The following TMEM132B variants were observed in gnomAD, a reference collection of about 807,000 sequenced individuals.
The protein encoded by TMEM132B is transmembrane protein 132B.
Under a neutral mutation model 90.8 loss-of-function variants are expected in TMEM132B, and 18 were observed. That is an observed-to-expected ratio of 0.20 (90% CI 0.14 to 0.29). TMEM132B has a LOEUF of 0.29. Among genes scored for constraint, TMEM132B ranks in the 10% least tolerant of loss-of-function variants. The pLI, the probability that TMEM132B is intolerant of heterozygous loss-of-function variation, is 1.00. For missense variants in TMEM132B, 1,096 were observed against 1,326.8 expected (o/e 0.83, Z 2.70); for synonymous variants, 504 against 523.3 (o/e 0.96, Z 0.50).
intron 5 of TMEM132B, among the ~76,000 whole-genome samples, chr12:125,628,498 A>G (rs1412749172): frequency 6.6e-6 from 1 of 151,862 alleles, no homozygotes; most frequent in Non-Finnish European, 1.5e-5. Context: ...GAATTATTCA[A>G]TTTTTTTCCA....
chr12:125,611,433 T>C (rs1292712918), intron 5 of TMEM132B, among the ~76,000 whole-genome samples: 2 of 152,126 alleles, frequency 1.3e-5, no homozygotes, highest in Non-Finnish European at 2.9e-5. Flanking sequence ...TATTTTATCC[T>C]TTCTTATGAT....
chr12:125,609,733 C>T (rs1170493603), intron 5 of TMEM132B, among the ~76,000 whole-genome samples: 4 of 136,058 alleles, frequency 2.9e-5, no homozygotes, highest in Admixed American at 8.6e-5. Flanking sequence ...AGGAGAAGGG[C>T]GTGAACCTGG....
At chr12:125,189,464 G>T (rs560239268) in intron 1 of TMEM132B, among the ~76,000 whole-genome samples, 2 of 152,254 alleles carry the variant, frequency 1.3e-5, no homozygotes, top group East Asian at 3.9e-4. Context: ...CAGGGCAGAG[G>T]CTCTCTTCCT....
At chr12:125,245,864 C>T (rs111702109) in intron 1 of TMEM132B, among the ~76,000 whole-genome samples, 26 of 152,222 alleles carry the variant, frequency 1.7e-4, no homozygotes, top group African/African-American at 6.0e-4. Context: ...CACTACCCCA[C>T]ACCCCAGCAG....
At chr12:125,462,175 A>G (rs1287526708) in intron 3 of TMEM132B, among the ~76,000 whole-genome samples, 1 of 152,212 alleles carries the variant, frequency 6.6e-6, no homozygotes, top group Non-Finnish European at 1.5e-5. Context: ...TAAAGGGAAT[A>G]GATCGCAGGT....
At chr12:125,267,595 T>C (rs575569024) in intron 1 of TMEM132B, among the ~76,000 whole-genome samples, 1 of 152,292 alleles carries the variant, frequency 6.6e-6, no homozygotes, top group Admixed American at 6.5e-5. Context: ...TTCTCTACTA[T>C]ACAGAAACAC....
At chr12:125,619,087 G>C (rs1036957302) in intron 5 of TMEM132B, among the ~76,000 whole-genome samples, 1 of 152,114 alleles carries the variant, frequency 6.6e-6, no homozygotes, top group Non-Finnish European at 1.5e-5. Context: ...CTCTGCAAAG[G>C]TATCAAATGG....
At chr12:125,605,999 A>G (rs1202173939) in intron 5 of TMEM132B, among the ~76,000 whole-genome samples, 3 of 152,230 alleles carry the variant, frequency 2.0e-5, no homozygotes, top group African/African-American at 7.2e-5. Flanking sequence ...GAAATGGATA[A>G]CGTGTGACAG....
Position 125,599,818 on chromosome 12 carries a change from G to A in TMEM132B, c.1437+15824G>A, listed in dbSNP as rs7313191. Reference sequence around the variant, plus strand: ...GCTGTGGAAGGGAAGTAAGCTTAGCGCCAGGAATGACTATACTCTATTTGG... The same window carrying A: ...GCTGTGGAAGGGAAGTAAGCTTAGCACCAGGAATGACTATACTCTATTTGG... On this transcript the variant is annotated intron_variant, in intron 5 of 8. Transcript: ENST00000682704. 7.6e-3 allele frequency among the ~76,000 whole-genome samples: 1,163 copies of A among 152,192 alleles called. 13 individuals carry two copies. Among genetic ancestry groups the A allele is most frequent in the African/African-American group, 0.026 (1,065 of 41,518 alleles).
At chr12:125,249,879 A>G (rs1874281054) in intron 1 of TMEM132B, among the ~76,000 whole-genome samples, 2 of 152,254 alleles carry the variant, frequency 1.3e-5, no homozygotes, top group South Asian at 4.1e-4. Context: ...CACACAGCTC[A>G]TAAGAAACTC....
In TMEM132B at chr12:125,201,681, A is replaced by G. The variant is rs141355092; in HGVS notation, c.67+14815A>G. On this transcript the variant is annotated intron_variant, in intron 1 of 8. Coordinates refer to ENST00000682704, the MANE Select transcript of TMEM132B (RefSeq NM_001366854.1). ...GTGAATTACTTAATGTCTCTGTGCC[A>G]TAGCATTTTCATCTGTGAATGGGGA... Among the ~76,000 whole-genome samples, 5 of 152,350 alleles carry G rather than the reference A, an allele frequency of 3.3e-5. No individual in the cohort carries two copies. The East Asian group carries it at 9.6e-4, about 29-fold the overall frequency.
At chr12:125,333,607 C>T (rs574015996) in intron 1 of TMEM132B, among the ~76,000 whole-genome samples, 6 of 152,114 alleles carry the variant, frequency 3.9e-5, no homozygotes, top group South Asian at 2.1e-4. Context: ...TGGAATGGGG[C>T]GACAGGGAAT....
chr12:125,429,836 G>A (rs536136515), intron 3 of TMEM132B, among the ~76,000 whole-genome samples: 61 of 152,274 alleles, frequency 4.0e-4, no homozygotes, highest in Non-Finnish European at 7.5e-4. Flanking sequence ...CGTGTTGCAA[G>A]GTTTCTCCAC....
At chr12:125,255,267 CTCTT>C (rs1032710343) in intron 1 of TMEM132B, among the ~76,000 whole-genome samples, 4 of 151,982 alleles carry the variant, frequency 2.6e-5, no homozygotes, top group African/African-American at 7.3e-5. Context: ...TCCTCTCTCT[CTCTT>C]TCTCTTTCTT....
intron 1 of TMEM132B, among the ~76,000 whole-genome samples, chr12:125,268,841 G>A (rs1159610991): frequency 1.3e-5 from 2 of 152,142 alleles, no homozygotes; most frequent in Non-Finnish European, 2.9e-5. Context: ...CTCTGAGAGG[G>A]CGTGGGTTTC....
At chr12:125,385,792 G>T (rs1345782769) in intron 2 of TMEM132B, among the ~76,000 whole-genome samples, 1 of 152,134 alleles carries the variant, frequency 6.6e-6, no homozygotes, top group East Asian at 1.9e-4. Context: ...TCTCATATGG[G>T]ATATTCATTA....
chr12:125,358,003 TC>T (rs1411789610), intron 2 of TMEM132B, among the ~76,000 whole-genome samples: 1 of 152,230 alleles, frequency 6.6e-6, no homozygotes, highest in Non-Finnish European at 1.5e-5. Flanking sequence ...GGCTGCCAGC[TC>T]TATGTAGTGG....
intron 5 of TMEM132B, among the ~76,000 whole-genome samples, chr12:125,590,519 G>A (rs934732848): frequency 3.3e-5 from 5 of 152,148 alleles, no homozygotes; most frequent in Non-Finnish European, 7.3e-5. Context: ...AAGGTAGAAG[G>A]TTCCCTGTAG....
chr12:125,286,728 A>G (rs372068758), intron 1 of TMEM132B, among the ~76,000 whole-genome samples: 142 of 151,444 alleles, frequency 9.4e-4, no homozygotes, highest in Middle Eastern at 3.4e-3. Context: ...TTTTGAGATG[A>G]GGTCTCACTC....
Sources: gnomAD v4.1 joint callset for allele counts (sites outside exome capture counted in the v4.1 genomes callset) on GRCh38, gnomAD v4.1.1 for gene constraint, MANE v1.5 for transcripts, NCBI Gene and HGNC (gene_info 2026-07-23, HGNC 2026-07-21) for gene names.